EFNA2: variants seen among roughly 807,000 people sequenced by gnomAD.
EFNA2 encodes the protein ephrin A2.
EFNA2 carries 18 observed loss-of-function variants against 19.7 expected under a neutral mutation model. That is an observed-to-expected ratio of 0.91 (90% CI 0.63 to 1.35). The LOEUF (loss-of-function observed/expected upper bound fraction) is 1.35, where lower values mean the gene tolerates loss of function less well. Ranked by LOEUF, EFNA2 falls within the 40% of genes most tolerant of loss-of-function variation. EFNA2 has a pLI of 0.00. For missense variants in EFNA2, 303 were observed against 296.0 expected (o/e 1.02, Z -0.17); for synonymous variants, 187 against 137.8 (o/e 1.36, Z -2.50).
At chr19:1,291,921 G>A (rs1338128964) in intron 1 of EFNA2, among the ~76,000 whole-genome samples, 4 of 152,186 alleles carry the variant, frequency 2.6e-5, no homozygotes, top group Non-Finnish European at 5.9e-5. Flanking sequence ...TTTGGCACCC[G>A]CAGGTTGAGT....
intron 1 of EFNA2, among the ~76,000 whole-genome samples, chr19:1,290,688 T>C (rs1054396417): frequency 6.6e-6 from 1 of 152,168 alleles, no homozygotes. Context: ...TGCCCCTCAG[T>C]CCTGTGTGTG....
rs568844814 is a variant in EFNA2 at position 1,295,196 on chromosome 19, C to A, written c.141-349C>A. On this transcript the variant is annotated intron_variant, in intron 1 of 3. Coordinates refer to ENST00000215368, the MANE Select transcript of EFNA2 (RefSeq NM_001405.4). The surrounding 1 kb of genome is among the most constrained non-coding windows in gnomAD (Gnocchi z 5.8). ...CCGCTATCACCATTCAGGGCCCAGG[C>A]GGAGTCCACCTTGTGAACTGACCCC... Among the ~76,000 whole-genome samples, 1 of 152,228 alleles carries A rather than the reference C, an allele frequency of 6.6e-6. No homozygotes were observed. The highest frequency in any genetic ancestry group is 2.4e-5 in the African/African-American group (1 of 41,534).
At position 1,287,161 on chromosome 19, in the gene EFNA2, CA is replaced by C. The variant is rs936156193; in HGVS notation, c.140+860del. 5.3e-5 allele frequency among the ~76,000 whole-genome samples: 8 copies of C among 152,170 alleles called. No homozygotes were observed. Among genetic ancestry groups the C allele is most frequent in the Non-Finnish European group, 1.0e-4 (7 of 68,022 alleles). ...CAGGAGAAGCCCCCGTTGGTCAGAG[CA>C]AAAAAAGTTTGCCGGGGCCTGGCCA... On this transcript the variant is annotated intron_variant, in intron 1 of 3. Transcript: ENST00000215368. The surrounding 1 kb of genome is among the most constrained non-coding windows in gnomAD (Gnocchi z 6.2).
Position 1,295,932 on chromosome 19 carries a change from G to T in EFNA2, c.454+74G>T. The T allele has an allele frequency of 2.9e-6, 4 of 1,385,416 alleles. No homozygotes were observed. In the South Asian group the frequency reaches 5.8e-5, roughly 20 times the overall value. 85.8% of individuals were successfully genotyped at this position (1,385,416 alleles called of 1,614,324 possible). A position where few individuals can be genotyped will look rare whatever the true frequency, so the allele number is the denominator to read the frequency against. On this transcript the variant is annotated intron_variant, in intron 2 of 3. Coordinates refer to ENST00000215368, the MANE Select transcript of EFNA2 (RefSeq NM_001405.4). The surrounding 1 kb of genome is among the most constrained non-coding windows in gnomAD (Gnocchi z 5.8). ...CGGGGGCGGGGCCAGGAAGTGGGCG[G>T]GACCACTGGGGTGGGGCCGGGGAGT...
Position 1,286,271 on chromosome 19 carries a change from G to T in EFNA2, c.103G>T (p.Asp35Tyr). 2 of 1,112,306 alleles carry T rather than the reference G, an allele frequency of 1.8e-6. No individual in the cohort carries two copies. Among genetic ancestry groups the T allele is most frequent in the South Asian group, 2.1e-5 (1 of 48,738 alleles). 68.9% of individuals were successfully genotyped at this position (1,112,306 alleles called of 1,614,324 possible). A position where few individuals can be genotyped will look rare whatever the true frequency, so the allele number is the denominator to read the frequency against. Residue 35 changes from aspartate (D) to tyrosine (Y), a missense_variant, in exon 1 of 4, where the codon GAC (aspartate) becomes TAC (tyrosine). Transcript: ENST00000215368. This position sits in a 1 kb window ranked among gnomAD's most constrained non-coding sequence, Gnocchi z 5.6. ...CGAGGACGCCGCCCGCGCCAACTCG[G>T]ACCGCTACGCCGTCTACTGGAACCG... is the stretch of plus-strand genomic sequence containing the variant. ...RAEDAARANS[D>Y]RYAVYWNRSN... is the part of the protein sequence containing the mutation.
Position 1,286,188 on chromosome 19 carries a change from C to CGCTGCTCCCGCT in EFNA2, c.29_40dup (p.Pro10_Leu13dup), listed in dbSNP as rs753701848. The stretch of plus-strand genomic sequence containing the variant: ...GGGGCCATGGCGCCCGCGCAGCGCC[C>CGCTGCTCCCGCT]GCTGCTCCCGCTGCTGCTCCTGCTG... On this transcript the variant is annotated inframe_insertion, in exon 1 of 4. Transcript: ENST00000215368. This position sits in a 1 kb window ranked among gnomAD's most constrained non-coding sequence, Gnocchi z 5.6. The CGCTGCTCCCGCT allele has an allele frequency of 2.1e-4, 220 of 1,030,554 alleles. 1 individual carries two copies. Among genetic ancestry groups the CGCTGCTCCCGCT allele is most frequent in the Admixed American group, 5.2e-4 (9 of 17,412 alleles). 63.8% of individuals were successfully genotyped at this position (1,030,554 alleles called of 1,614,324 possible).
intron 1 of EFNA2, among the ~76,000 whole-genome samples, chr19:1,290,532 G>A (rs1285360267): frequency 6.6e-6 from 1 of 152,196 alleles, no homozygotes; most frequent in Non-Finnish European, 1.5e-5. Flanking sequence ...GGAGGCAGTG[G>A]GTTGTGCATT....
In EFNA2 at chr19:1,294,214, GC is replaced by G. The variant is rs1228333328; in HGVS notation, c.141-1325del. 1.4e-4 allele frequency among the ~76,000 whole-genome samples: 22 copies of G among 152,298 alleles called. No individual in the cohort carries two copies. The South Asian group carries it at 3.5e-3, about 24-fold the overall frequency. On this transcript the variant is annotated intron_variant, in intron 1 of 3. Coordinates refer to ENST00000215368, the MANE Select transcript of EFNA2 (RefSeq NM_001405.4). The surrounding 1 kb of genome is among the most constrained non-coding windows in gnomAD (Gnocchi z 5.8). ...TATGTGCTAATAAGCCCCTCTCAGG[GC>G]CCCCCTCGTGCCCCGCTTGGTCCAG...
At chr19:1,288,519 A>C (rs1272740761) in intron 1 of EFNA2, among the ~76,000 whole-genome samples, 4 of 151,856 alleles carry the variant, frequency 2.6e-5, no homozygotes, top group Admixed American at 1.3e-4. Flanking sequence ...GCATACAGAA[A>C]GGCACTGGAG....
chr19:1,291,129 C>CG (rs2081489683), intron 1 of EFNA2, among the ~76,000 whole-genome samples: 1 of 152,174 alleles, frequency 6.6e-6, no homozygotes, highest in African/African-American at 2.4e-5. Context: ...GGGGCCGGCC[C>CG]GGGGGAAGCC....
intron 1 of EFNA2, among the ~76,000 whole-genome samples, chr19:1,291,548 G>A (rs1235808604): frequency 1.3e-5 from 2 of 152,070 alleles, no homozygotes; most frequent in African/African-American, 4.8e-5. Context: ...CAGGACCCGG[G>A]CTGCCTGCTC....
At chr19:1,290,792 C>T (rs1211483043) in intron 1 of EFNA2, among the ~76,000 whole-genome samples, 2 of 152,198 alleles carry the variant, frequency 1.3e-5, no homozygotes, top group South Asian at 4.1e-4. Context: ...CTGTGCCCAC[C>T]GTCCCGTCGC....
chr19:1,298,453 C>A, intron 2 of EFNA2, 98 bp from the exon 3 acceptor site: 1 of 1,256,786 alleles, frequency 8.0e-7, no homozygotes, highest in Non-Finnish European at 1.1e-6. Flanking sequence ...CACCTGGGGT[C>A]AGGGTTGATT....
chr19:1,286,406 C>A lies in EFNA2; in HGVS notation c.140+98C>A. On this transcript the variant is annotated intron_variant, in intron 1 of 3. Transcript: ENST00000215368. The surrounding 1 kb of genome is among the most constrained non-coding windows in gnomAD (Gnocchi z 5.6). ...CCCGGAGCTCCGGGCGCCCCCCACG[C>A]GCGCGCCGCCGCCGGGATGCGGGCG... 2.3e-6 allele frequency: 1 copy of A among 441,862 alleles called. No homozygotes were observed. The highest frequency in any genetic ancestry group is 3.0e-6 in the Non-Finnish European group (1 of 335,336). 27.4% of individuals were successfully genotyped at this position (441,862 alleles called of 1,614,324 possible). A position where few individuals can be genotyped will look rare whatever the true frequency, so the allele number is the denominator to read the frequency against.
rs1468275094 is a variant in EFNA2 at position 1,295,872 on chromosome 19, GGCCGGGGCT to G, written c.454+23_454+31del. 2 of 1,565,468 alleles carry G rather than the reference GGCCGGGGCT, an allele frequency of 1.3e-6. No individual in the cohort carries two copies. The highest frequency in any genetic ancestry group is 1.2e-5 in the South Asian group (1 of 84,820). On this transcript the variant is annotated intron_variant, in intron 2 of 3. Transcript: ENST00000215368. This position sits in a 1 kb window ranked among gnomAD's most constrained non-coding sequence, Gnocchi z 5.8. ...ATTACTACATCTGTGAGTGGGGTCG[GGCCGGGGCT>G]GCCGGGGCCCGAGTGGGCGGGGACG...
chr19:1,295,765 G>A lies in EFNA2; in HGVS notation c.361G>A (p.Gly121Arg). ...GGAGTGCAACCGGCCCGCGGCGCCC[G>A]GGGGGCCGCTCAAGTTCTCGGAGAA... ...RWECNRPAAPGGPLKFSEKFQ... is the reference protein window; with the variant it reads ...RWECNRPAAPRGPLKFSEKFQ... The change falls in exon 2 of 4, where the codon GGG becomes AGG. Residue 121 changes from glycine (G) to arginine (R), a missense_variant. Gly to Arg is a moderately radical substitution (Grantham distance 125). Coordinates refer to ENST00000215368, the MANE Select transcript of EFNA2 (RefSeq NM_001405.4). This position sits in a 1 kb window ranked among gnomAD's most constrained non-coding sequence, Gnocchi z 5.8. The A allele has an allele frequency of 6.2e-7, 1 of 1,603,352 alleles. No homozygotes were observed. Among genetic ancestry groups the A allele is most frequent in the Non-Finnish European group, 8.5e-7 (1 of 1,176,304 alleles).
In EFNA2 at chr19:1,297,843, G is replaced by C. The variant is rs1356537110; in HGVS notation, c.455-708G>C. 6.6e-6 allele frequency among the ~76,000 whole-genome samples: 1 copy of C among 152,016 alleles called. No individual in the cohort carries two copies. Among genetic ancestry groups the C allele is most frequent in the African/African-American group, 2.4e-5 (1 of 41,388 alleles). On this transcript the variant is annotated intron_variant, in intron 2 of 3. Transcript: ENST00000215368. This position sits in a 1 kb window ranked among gnomAD's most constrained non-coding sequence, Gnocchi z 5.0. The stretch of plus-strand genomic sequence containing the variant: ...TCCCAGCACTTTGGGAGGCCGAGGC[G>C]GGTGGATCACCTGAGGTCAGGAGTT...
At chr19:1,289,072 C>T (rs1195703767) in intron 1 of EFNA2, among the ~76,000 whole-genome samples, 1 of 152,230 alleles carries the variant, frequency 6.6e-6, no homozygotes, top group Non-Finnish European at 1.5e-5. Flanking sequence ...GGAAGGGTGG[C>T]GTGCAGGTGT....
At chr19:1,291,578 C>A (rs1332675262) in intron 1 of EFNA2, among the ~76,000 whole-genome samples, 1 of 152,134 alleles carries the variant, frequency 6.6e-6, no homozygotes, top group African/African-American at 2.4e-5. Context: ...GCCTGGGCCT[C>A]CCCGGGAGCT....
Sources: allele counts gnomAD v4.1 joint callset (sites outside exome capture counted in the v4.1 genomes callset), GRCh38; gene constraint gnomAD v4.1.1; non-coding constraint Gnocchi (gnomAD v3.1); transcripts MANE v1.5; gene names NCBI Gene and HGNC (gene_info 2026-07-23, HGNC 2026-07-21).